Variants in DYNC2LI1 observed in about 807,000 individuals in gnomAD.
DYNC2LI1 encodes the protein dynein cytoplasmic 2 light intermediate chain 1, also known as cytoplasmic dynein 2 light intermediate chain 1.
Under a neutral mutation model 51.9 loss-of-function variants are expected in DYNC2LI1, and 45 were observed. The ratio of observed to expected loss-of-function variants is 0.87; its 90% CI spans 0.68 to 1.11. The LOEUF is 1.11. Among genes scored for constraint, DYNC2LI1 ranks in the 50% most tolerant of loss-of-function variants. The probability of loss-of-function intolerance (pLI) is 0.00; values close to 1 mark genes in which losing one functional copy is unlikely to be tolerated. For synonymous variants in DYNC2LI1, 130 were observed against 137.8 expected (o/e 0.94, Z 0.40); for missense variants, 490 against 417.4 (o/e 1.17, Z -1.51).
chr2:43,809,084 G>C (rs1158318170), intron 12 of DYNC2LI1, among the ~76,000 whole-genome samples: 2 of 151,914 alleles, frequency 1.3e-5, no homozygotes, highest in Non-Finnish European at 2.9e-5. Context: ...GGCCTCCCAG[G>C]TTCAAGCGAT....
At chr2:43,822,573 C>T in the DYNC2LI1 span, 1 of 985,080 alleles carries the variant, frequency 1.0e-6, no homozygotes, top group East Asian at 1.1e-4. Context: ...TTCCCAGGCA[C>T]ATGTCATCTT....
intron 12 of DYNC2LI1, among the ~76,000 whole-genome samples, chr2:43,807,600 C>T (rs909623752): frequency 1.3e-5 from 2 of 151,752 alleles, no homozygotes; most frequent in Non-Finnish European, 2.9e-5. Context: ...TCACCATGCC[C>T]GGGTAATTTT....
chr2:43,824,039 GGAACAA>G, the DYNC2LI1 span: 1 of 1,614,184 alleles, frequency 6.2e-7, no homozygotes, highest in Non-Finnish European at 8.5e-7. Context: ...AAGAAAAGGA[GGAACAA>G]ACCCATGATC....
chr2:43,822,510 T>G, the DYNC2LI1 span: 3,971 of 961,238 alleles, frequency 4.1e-3, 114 homozygotes, highest in African/African-American at 0.064. Flanking sequence ...CCTAGCTACT[T>G]CAGAGTCCTC....
chr2:43,788,662 C>T (rs1673634479), intron 4 of DYNC2LI1, among the ~76,000 whole-genome samples: 1 of 152,090 alleles, frequency 6.6e-6, no homozygotes, highest in Non-Finnish European at 1.5e-5. Context: ...CTTTGTTTCC[C>T]AGGCTGGAGT....
chr2:43,813,360 T>A, downstream of DYNC2LI1: 1 of 1,342,722 alleles, frequency 7.4e-7, no homozygotes, highest in Non-Finnish European at 1.1e-6. Flanking sequence ...TCAGGTAATT[T>A]AATCAACAAG....
chr2:43,794,805 T>G (rs766411924), intron 6 of DYNC2LI1, 162 bp downstream of exon 6: 13 of 1,480,486 alleles, frequency 8.8e-6, no homozygotes, highest in Non-Finnish European at 1.2e-5. Context: ...AAAACCTCAG[T>G]AAGAGCAAAA....
chr2:43,824,115 T>C, the DYNC2LI1 span: 1 of 1,614,192 alleles, frequency 6.2e-7, no homozygotes, highest in Non-Finnish European at 8.5e-7. Flanking sequence ...TTCTTGTCAC[T>C]CTCCTGAAAA....
intron 10 of DYNC2LI1, among the ~76,000 whole-genome samples, chr2:43,802,290 T>A (rs1666100950): frequency 1.3e-5 from 2 of 152,090 alleles, no homozygotes; most frequent in Non-Finnish European, 2.9e-5. Context: ...GAAACTGTTT[T>A]CATTGTGAAG....
chr2:43,795,424 A>G (rs1673989730), intron 6 of DYNC2LI1, among the ~76,000 whole-genome samples: 2 of 152,114 alleles, frequency 1.3e-5, no homozygotes, highest in Non-Finnish European at 2.9e-5. Context: ...GAATCGCTTG[A>G]ACCTGGGAAG....
the DYNC2LI1 span, chr2:43,824,078 T>C: frequency 6.2e-7 from 1 of 1,614,212 alleles, no homozygotes; most frequent in East Asian, 2.2e-5. Context: ...AGACGCGTAA[T>C]CACTGCCAGC....
At chr2:43,799,014 AAC>A (rs1335830350) in intron 8 of DYNC2LI1, among the ~76,000 whole-genome samples, 2 of 152,194 alleles carry the variant, frequency 1.3e-5, no homozygotes, top group Non-Finnish European at 2.9e-5. Flanking sequence ...ATAAAAACAA[AAC>A]ACAGGCCAGG....
chr2:43,822,001 C>A, the DYNC2LI1 span, among the ~76,000 whole-genome samples: 29 of 152,228 alleles, frequency 1.9e-4, no homozygotes, highest in African/African-American at 6.5e-4. Context: ...TTTGACTTAT[C>A]CAAATTTTGG....
the DYNC2LI1 span, among the ~76,000 whole-genome samples, chr2:43,827,017 T>C: frequency 1.3e-5 from 2 of 152,158 alleles, no homozygotes; most frequent in Non-Finnish European, 2.9e-5. Context: ...TAAAGTAACT[T>C]ATTTCTTCCT....
At chr2:43,800,785 C>G in intron 8 of DYNC2LI1, 56 bp from the exon 9 acceptor site, 1 of 938,196 alleles carries the variant, frequency 1.1e-6, no homozygotes, top group South Asian at 1.8e-5. Flanking sequence ...TTTATTTTAC[C>G]TGTTTCTGTG....
At position 43,809,910 on chromosome 2, in the gene DYNC2LI1, C is replaced by A. The variant is rs1017696456; in HGVS notation, c.*143C>A. The A allele has an allele frequency of 1.4e-6, 2 of 1,414,864 alleles. No individual in the cohort carries two copies. The highest frequency in any genetic ancestry group is 6.3e-5 in the Admixed American group (2 of 31,662). The allele number at this position is 1,414,864 out of a possible 1,614,324, so 87.6% of individuals were successfully genotyped here. On this transcript the variant is annotated 3_prime_UTR_variant, in exon 13 of 13. Coordinates refer to ENST00000260605, the MANE Select transcript of DYNC2LI1 (RefSeq NM_016008.4). ...ACAAGCTGGATTTCTTGGACTAGTGCATCTCCCTGTATATCTTGAAGCTTT... is the reference window on the plus strand; with the variant it reads ...ACAAGCTGGATTTCTTGGACTAGTGAATCTCCCTGTATATCTTGAAGCTTT...
Position 43,804,706 on chromosome 2 carries a change from G to A in DYNC2LI1, c.867G>A (p.Trp289Ter). Reference sequence around the variant, plus strand: ...ATGCCCACTCACCTATGGAGTTGTGGAAAAAAGTGTATGAAAAGCTCTTTC... The same window carrying A: ...ATGCCCACTCACCTATGGAGTTGTGAAAAAAAGTGTATGAAAAGCTCTTTC... Reference protein sequence around the residue: ...KLHAHSPMELWKKVYEKLFPP... With the variant: ...KLHAHSPMEL The change falls in exon 11 of 13, where the codon TGG (tryptophan) becomes TGA (stop). Residue 289 changes from tryptophan (W) to a stop codon, truncating the protein, a stop_gained. Coordinates refer to ENST00000260605, the MANE Select transcript of DYNC2LI1 (RefSeq NM_016008.4). LOFTEE classifies it high-confidence loss of function. The A allele has an allele frequency of 1.9e-6, 3 of 1,604,756 alleles. No homozygotes were observed. Among genetic ancestry groups the A allele is most frequent in the Non-Finnish European group, 2.5e-6 (3 of 1,176,674 alleles).
chr2:43,817,662 C>T, the DYNC2LI1 span, among the ~76,000 whole-genome samples: 2 of 152,120 alleles, frequency 1.3e-5, no homozygotes, highest in Non-Finnish European at 2.9e-5. Context: ...ATAATCCCAG[C>T]ACTTTGGGAG....
intron 6 of DYNC2LI1, chr2:43,795,038 A>G (rs1386983400): frequency 4.7e-6 from 5 of 1,065,022 alleles, no homozygotes; most frequent in Non-Finnish European, 5.7e-6. Context: ...AGCCTTCACC[A>G]TCACTCTGTA....
Sources: gnomAD v4.1 joint callset for allele counts (sites outside exome capture counted in the v4.1 genomes callset) on GRCh38, gnomAD v4.1.1 for gene constraint, MANE v1.5 for transcripts, NCBI Gene and HGNC (gene_info 2026-07-23, HGNC 2026-07-21) for gene names.